The following DLL3 variants were observed in gnomAD, a reference collection of about 807,000 sequenced individuals.
The protein encoded by DLL3 is delta like canonical Notch ligand 3.
Under a neutral mutation model 55.0 loss-of-function variants are expected in DLL3, and 49 were observed. The observed-to-expected ratio is 0.89, with a 90% CI of 0.71 to 1.13. DLL3 has a LOEUF of 1.13. Among genes scored for constraint, DLL3 ranks in the 50% most tolerant of loss-of-function variants. DLL3 has a pLI of 0.00. For synonymous variants in DLL3, 421 were observed against 385.2 expected (o/e 1.09, Z -1.09); for missense variants, 962 against 875.5 (o/e 1.10, Z -1.25).
rs752815280 is a variant in DLL3, at chr19:39,508,236, C to T, written c.1759-16C>T. The T allele has an allele frequency of 1.2e-6, 2 of 1,614,004 alleles. No homozygotes were observed. The highest frequency in any genetic ancestry group is 3.3e-5 in the Admixed American group (2 of 59,992). On this transcript the variant is annotated splice_polypyrimidine_tract_variant and intron_variant, in intron 8 of 8. Coordinates refer to ENST00000356433, the MANE Select transcript of DLL3 (RefSeq NM_203486.3). ...GGGGCAGCCTCTCTAATGCTTCCTA[C>T]TCATTTTGTTTCTAGGCCTGACGCG...
At position 39,507,886 on chromosome 19, in the gene DLL3, T is replaced by C; in HGVS notation, c.1730T>C (p.Ile577Thr). ...EDVDPQGIYV[I>T]SAPSIYAREA Reference sequence around the variant, plus strand: ...GTAGACCCTCAAGGGATTTATGTCATATCTGCTCCTTCCATCTACGCTCGG... The same window carrying C: ...GTAGACCCTCAAGGGATTTATGTCACATCTGCTCCTTCCATCTACGCTCGG... Residue 577 changes from isoleucine (I) to threonine (T), a missense_variant, in exon 8 of 9, where the codon ATA becomes ACA. Coordinates refer to ENST00000356433, the MANE Select transcript of DLL3 (RefSeq NM_203486.3). 1.2e-6 allele frequency: 2 copies of C among 1,614,186 alleles called. No homozygotes were observed. The highest frequency in any genetic ancestry group is 1.7e-6 in the Non-Finnish European group (2 of 1,180,032).
At position 39,502,846 on chromosome 19, in the gene DLL3, T is replaced by C. The variant is rs1281659564; in HGVS notation, c.441T>C (p.Ala147=). The C allele has an allele frequency of 1.4e-6, 2 of 1,418,048 alleles. No individual in the cohort carries two copies. The highest frequency in any genetic ancestry group is 1.5e-5 in the South Asian group (1 of 66,696). The allele number at this position is 1,418,048 out of a possible 1,614,324, so 87.8% of individuals were successfully genotyped here. ...GPAWSLLARV[A]GRRRLAAGGP... ...CCTGGAGCCTGCTGGCGCGCGTGGC[T>C]GGCAGGCGGCGCTTGGCAGCCGGAG... The change falls in exon 4 of 9, where the codon GCT becomes GCC. Residue 147 remains alanine, a synonymous_variant. Coordinates refer to ENST00000356433, the MANE Select transcript of DLL3 (RefSeq NM_203486.3).
At chr19:39,506,975 A>C (rs2079644361) in intron 6 of DLL3, 64 bp from the exon 7 acceptor site, 2 of 1,501,096 alleles carry the variant, frequency 1.3e-6, no homozygotes, top group Non-Finnish European at 8.9e-7. Context: ...AGAGCTGGGA[A>C]ACAGCGCGGG....
Position 39,508,437 on chromosome 19 carries a change from T to A in DLL3, c.*180T>A. On this transcript the variant is annotated 3_prime_UTR_variant, in exon 9 of 9. Transcript: ENST00000356433. Reference sequence around the variant, plus strand: ...CCTATTTTTTCTCACCCCATCTCTCTAGAAACACCTATAAAGGCTATTATT... The same window carrying A: ...CCTATTTTTTCTCACCCCATCTCTCAAGAAACACCTATAAAGGCTATTATT... 1.4e-6 allele frequency: 1 copy of A among 693,456 alleles called. No homozygotes were observed. Among genetic ancestry groups the A allele is most frequent in the Non-Finnish European group, 2.5e-6 (1 of 399,104 alleles). The allele number at this position is 693,456 out of a possible 1,614,324, so 43.0% of individuals were successfully genotyped here.
intron 6 of DLL3, among the ~76,000 whole-genome samples, chr19:39,505,982 G>A (rs375622545): frequency 6.6e-6 from 1 of 151,996 alleles, no homozygotes; most frequent in Non-Finnish European, 1.5e-5. Context: ...AGGCCGAGGC[G>A]GGCAGATCAC....
intron 4 of DLL3, 120 bp downstream of exon 4, chr19:39,503,177 T>G: frequency 1.3e-5 from 14 of 1,048,882 alleles, no homozygotes; most frequent in African/African-American, 1.7e-5. Flanking sequence ...TACTCTAGAG[T>G]CCCCCACCAT....
chr19:39,500,302 G>A (rs983134806), intron 2 of DLL3, among the ~76,000 whole-genome samples: 15 of 150,960 alleles, frequency 9.9e-5, no homozygotes, highest in South Asian at 2.1e-4. Flanking sequence ...GGTGACATGC[G>A]CGTGTAGTCC....
chr19:39,503,992 AC>A, intron 4 of DLL3, 78 bp from the exon 5 acceptor site: 1 of 1,436,872 alleles, frequency 7.0e-7, no homozygotes, highest in Non-Finnish European at 9.7e-7. Context: ...GTGCTCAGAA[AC>A]CTCCCTGCTT....
At chr19:39,505,870 G>A (rs949312031) in intron 6 of DLL3, among the ~76,000 whole-genome samples, 1 of 152,134 alleles carries the variant, frequency 6.6e-6, no homozygotes, top group African/African-American at 2.4e-5. Context: ...GTGAGATGGA[G>A]CCACAGGAAG....
At chr19:39,500,472 C>T (rs1568448415) in intron 2 of DLL3, 143 bp from the exon 3 acceptor site, 6 of 537,188 alleles carry the variant, frequency 1.1e-5, no homozygotes, top group Non-Finnish European at 2.1e-5. Context: ...CTGGGCTGGT[C>T]TGGTCCCTCT....
chr19:39,506,814 AAG>A (rs1364045948), intron 6 of DLL3, among the ~76,000 whole-genome samples: 1 of 152,168 alleles, frequency 6.6e-6, no homozygotes, highest in Non-Finnish European at 1.5e-5. Flanking sequence ...CCGAAGGAAA[AAG>A]AGACAAGGGC....
rs1359277167 is a variant in DLL3, at chr19:39,499,062, G to A, written c.69+19G>A. On this transcript the variant is annotated intron_variant, in intron 1 of 8. Coordinates refer to ENST00000356433, the MANE Select transcript of DLL3 (RefSeq NM_203486.3). ...CCCCCAGGTCAGAGCCAGGTGGGAG[G>A]TGGCGTGGAAAGGGATGAATGCGGA... 8.1e-6 allele frequency: 13 copies of A among 1,614,138 alleles called. No homozygotes were observed. The South Asian group carries it at 1.3e-4, about 16-fold the overall frequency.
intron 8 of DLL3, 75 bp from the exon 9 acceptor site, chr19:39,508,177 T>C: frequency 1.2e-6 from 2 of 1,614,164 alleles, no homozygotes; most frequent in Non-Finnish European, 1.7e-6. Context: ...GCTTTTCCAC[T>C]GATTGTACTC....
At chr19:39,500,782 G>T in intron 3 of DLL3, 110 bp downstream of exon 3, 1 of 974,698 alleles carries the variant, frequency 1.0e-6, no homozygotes, top group South Asian at 1.3e-5. Context: ...CTGGGATGTG[G>T]TGCTGAGTGT....
intron 6 of DLL3, 73 bp from the exon 7 acceptor site, chr19:39,506,964 CAG>C (rs2144763752): frequency 2.7e-6 from 4 of 1,460,780 alleles, no homozygotes; most frequent in East Asian, 2.6e-5. Flanking sequence ...GCAGCGATGA[CAG>C]AGCTGGGAAA....
At position 39,499,315 on chromosome 19, in the gene DLL3, A is replaced by G. The variant is rs1320541732; in HGVS notation, c.193A>G (p.Lys65Glu). The G allele has an allele frequency of 6.5e-7, 1 of 1,545,736 alleles. No homozygotes were observed. Among genetic ancestry groups the G allele is most frequent in the African/African-American group, 1.4e-5 (1 of 73,258 alleles). The stretch of plus-strand genomic sequence containing the variant: ...CCGCCTCTTCTTCAGAGTCTGCCTG[A>G]AGCCTGGGCTCTCAGAGGAGGCCGC... ...PCRLFFRVCLKPGLSEEAAES... is the reference protein window; with the variant it reads ...PCRLFFRVCLEPGLSEEAAES... The change falls in exon 2 of 9, where the codon AAG becomes GAG. Residue 65 changes from lysine (K) to glutamate (E), a missense_variant. Transcript: ENST00000356433.
intron 6 of DLL3, among the ~76,000 whole-genome samples, chr19:39,506,056 C>A (rs1027484061): frequency 6.6e-6 from 1 of 151,646 alleles, no homozygotes; most frequent in Non-Finnish European, 1.5e-5. Context: ...ACTAAAAATA[C>A]AAAAAATTAG....
Position 39,507,327 on chromosome 19 carries a change from G to A in DLL3, c.1382G>A (p.Gly461Glu). 6.4e-7 allele frequency: 1 copy of A among 1,567,652 alleles called. No individual in the cohort carries two copies. The highest frequency in any genetic ancestry group is 8.6e-7 in the Non-Finnish European group (1 of 1,164,470). ...LVCACAPGYM[G>E]ARCEFPVHPD... ...TGCGCTTGCGCTCCCGGCTACATGGGAGCGCGGTGTGAGTTCCCAGTGCAC... is the reference window on the plus strand; with the variant it reads ...TGCGCTTGCGCTCCCGGCTACATGGAAGCGCGGTGTGAGTTCCCAGTGCAC... The change falls in exon 7 of 9, where the codon GGA (glycine) becomes GAA (glutamate). Residue 461 changes from glycine to glutamate, a missense_variant. Gly to Glu is a moderately conservative substitution (Grantham distance 98, BLOSUM62 -2). Coordinates refer to ENST00000356433, the MANE Select transcript of DLL3 (RefSeq NM_203486.3).
chr19:39,499,183 C>G lies in DLL3; in HGVS notation c.70-9C>G. 2 of 1,586,258 alleles carry G rather than the reference C, an allele frequency of 1.3e-6. No homozygotes were observed. Among genetic ancestry groups the G allele is most frequent in the Non-Finnish European group, 1.7e-6 (2 of 1,170,902 alleles). ...CGGCCGCCTCACCCTGCGCCCGTCT[C>G]CGTCCCAGACACGGCCCGCTGGCGT... On this transcript the variant is annotated splice_polypyrimidine_tract_variant and intron_variant, in intron 1 of 8. Coordinates refer to ENST00000356433, the MANE Select transcript of DLL3 (RefSeq NM_203486.3).
Sources: allele counts gnomAD v4.1 joint callset (sites outside exome capture counted in the v4.1 genomes callset), GRCh38; gene constraint gnomAD v4.1.1; transcripts MANE v1.5; gene names NCBI Gene and HGNC (gene_info 2026-07-23, HGNC 2026-07-21).